The following ERBB4 variants were observed in gnomAD, a reference collection of about 807,000 sequenced individuals.
The protein encoded by ERBB4 is erb-b2 receptor tyrosine kinase 4.
ERBB4 carries 42 observed loss-of-function variants against 158.0 expected under a neutral mutation model. That is an observed-to-expected ratio of 0.27 (90% CI 0.21 to 0.34). ERBB4 has a LOEUF of 0.34. Among genes scored for constraint, ERBB4 ranks in the 10% least tolerant of loss-of-function variants. ERBB4 has a pLI of 1.00. For synonymous variants in ERBB4, 583 were observed against 558.7 expected, an observed-to-expected ratio of 1.04 and a Z score of -0.61; for missense variants, 1,333 against 1,624.1, an observed-to-expected ratio of 0.82 and a Z score of 3.08.
chr2:211,768,361 G>A (rs1021162278), intron 4 of ERBB4, among the ~76,000 whole-genome samples: 5 of 152,160 alleles, frequency 3.3e-5, no homozygotes, highest in Admixed American at 1.3e-4. Context: ...CCATTCTGGG[G>A]TCCAAAGGAT....
intron 2 of ERBB4, among the ~76,000 whole-genome samples, chr2:212,047,820 G>T (rs2077295190): frequency 6.6e-6 from 1 of 151,964 alleles, no homozygotes; most frequent in Non-Finnish European, 1.5e-5. Flanking sequence ...TTTATAGAAT[G>T]CTTGATATTT....
intron 4 of ERBB4, among the ~76,000 whole-genome samples, chr2:211,760,096 A>G (rs6731471): frequency 0.31 from 47,278 of 152,122 alleles, 7,499 homozygotes; most frequent in South Asian, 0.44. Context: ...CTAATTTCAC[A>G]TCATATTTTT....
intron 12 of ERBB4, among the ~76,000 whole-genome samples, chr2:211,692,260 G>A (rs1574995450): frequency 6.6e-6 from 1 of 152,142 alleles, no homozygotes; most frequent in East Asian, 1.9e-4. Context: ...GAGCCCTAGT[G>A]ATGTTGTTCG....
At chr2:211,460,752 T>C (rs2125501046) in intron 20 of ERBB4, among the ~76,000 whole-genome samples, 1 of 151,986 alleles carries the variant, frequency 6.6e-6, no homozygotes, top group Non-Finnish European at 1.5e-5. Context: ...AACATTTTCC[T>C]GCATTAAAAA....
intron 19 of ERBB4, among the ~76,000 whole-genome samples, chr2:211,594,170 C>T (rs999538609): frequency 4.6e-5 from 7 of 152,168 alleles, no homozygotes; most frequent in African/African-American, 1.7e-4. Flanking sequence ...GGCGTGGTGG[C>T]TCACACCTAT....
At chr2:211,670,432 T>C (rs1018748379) in intron 14 of ERBB4, among the ~76,000 whole-genome samples, 6 of 152,210 alleles carry the variant, frequency 3.9e-5, no homozygotes, top group Admixed American at 2.0e-4. Context: ...TCTAAAAATG[T>C]ATATTTTTAT....
At chr2:211,901,768 T>C (rs1429829865) in intron 3 of ERBB4, among the ~76,000 whole-genome samples, 1 of 152,182 alleles carries the variant, frequency 6.6e-6, no homozygotes, top group Non-Finnish European at 1.5e-5. Context: ...TCATCCTTGA[T>C]ATTAAAACTC....
chr2:212,240,667 A>AAAAAAAAAAAAAAAC (rs767678739), intron 1 of ERBB4, among the ~76,000 whole-genome samples: 1 of 128,128 alleles, frequency 7.8e-6, no homozygotes, highest in African/African-American at 3.0e-5. Context: ...AAAAAAAAAA[A>AAAAAAAAAAAAAAAC]CAGAAAAAAA....
At chr2:211,906,353 A>T (rs146947964) in intron 3 of ERBB4, among the ~76,000 whole-genome samples, 1 of 152,156 alleles carries the variant, frequency 6.6e-6, no homozygotes, top group Admixed American at 6.6e-5. Flanking sequence ...AGATTTTGTC[A>T]TGAGCAATTG....
intron 3 of ERBB4, among the ~76,000 whole-genome samples, chr2:211,810,650 G>C (rs924668777): frequency 1.4e-5 from 2 of 145,542 alleles, no homozygotes; most frequent in African/African-American, 5.0e-5. Flanking sequence ...TATCCAATTT[G>C]CCAGTCTCTG....
intron 2 of ERBB4, among the ~76,000 whole-genome samples, chr2:212,019,650 C>T (rs1197951149): frequency 6.6e-6 from 1 of 150,630 alleles, no homozygotes; most frequent in African/African-American, 2.4e-5. Flanking sequence ...GTAATCCCAG[C>T]TACTTAGGTG....
chr2:212,195,226 C>G (rs1399112669), intron 1 of ERBB4, among the ~76,000 whole-genome samples: 1 of 151,952 alleles, frequency 6.6e-6, no homozygotes, highest in Non-Finnish European at 1.5e-5. Flanking sequence ...TTTTCTCTCT[C>G]CTTTAAAATA....
At chr2:212,331,061 TATATATATATACAC>T (rs1340173394) in intron 1 of ERBB4, among the ~76,000 whole-genome samples, 1 of 123,016 alleles carries the variant, frequency 8.1e-6, no homozygotes, top group Non-Finnish European at 1.8e-5. Flanking sequence ...GTAATTTGTA[TATATATATATACAC>T]ATATATATAT....
chr2:212,223,128 C>A (rs1188492647), intron 1 of ERBB4, among the ~76,000 whole-genome samples: 2 of 151,278 alleles, frequency 1.3e-5, no homozygotes, highest in African/African-American at 2.4e-5. Flanking sequence ...ATACATATAT[C>A]CATTATTTAT....
At chr2:211,841,144 C>CA (rs1245176012) in intron 3 of ERBB4, among the ~76,000 whole-genome samples, 2 of 151,914 alleles carry the variant, frequency 1.3e-5, no homozygotes, top group Non-Finnish European at 2.9e-5. Context: ...ATTCCCTCCA[C>CA]AAAAAATAAA....
intron 7 of ERBB4, among the ~76,000 whole-genome samples, chr2:211,715,349 T>A (rs1479265828): frequency 1.3e-5 from 2 of 152,184 alleles, no homozygotes; most frequent in Non-Finnish European, 2.9e-5. Flanking sequence ...CAAAGTCCAA[T>A]CTTGCTTTCT....
intron 2 of ERBB4, among the ~76,000 whole-genome samples, chr2:211,959,073 A>T (rs1169239060): frequency 6.6e-6 from 1 of 152,030 alleles, no homozygotes; most frequent in Non-Finnish European, 1.5e-5. Flanking sequence ...TTTCTTCCTC[A>T]AAAAAGTCTT....
At chr2:212,043,709 T>TAG (rs1368370704) in intron 2 of ERBB4, among the ~76,000 whole-genome samples, 1 of 152,046 alleles carries the variant, frequency 6.6e-6, no homozygotes, top group Non-Finnish European at 1.5e-5. Flanking sequence ...GAATAAGAAT[T>TAG]AGAGAGTAAG....
intron 1 of ERBB4, among the ~76,000 whole-genome samples, chr2:212,446,629 A>ATATATATATATC (rs2092362557): frequency 1.2e-5 from 1 of 82,762 alleles, no homozygotes; most frequent in Non-Finnish European, 2.5e-5. Context: ...ATATATATAT[A>ATATATATATATC]TATATATATC....
Sources: gnomAD v4.1 joint callset for allele counts (sites outside exome capture counted in the v4.1 genomes callset) on GRCh38, gnomAD v4.1.1 for gene constraint, MANE v1.5 for transcripts, NCBI Gene and HGNC (gene_info 2026-07-23, HGNC 2026-07-21) for gene names.